Variants in GNAQ observed in about 807,000 individuals in gnomAD.
GNAQ encodes G protein subunit alpha q.
A neutral mutation model predicts 43.9 loss-of-function variants in GNAQ; 8 were observed. The ratio of observed to expected loss-of-function variants is 0.18; its 90% CI spans 0.11 to 0.33. GNAQ has a LOEUF of 0.33. Ranked by LOEUF, GNAQ falls within the 10% of genes least tolerant of loss-of-function variation. GNAQ has a pLI of 1.00. For missense variants in GNAQ, 158 were observed against 450.8 expected (o/e 0.35, Z 5.88); for synonymous variants, 155 against 170.7 (o/e 0.91, Z 0.71).
intron 1 of GNAQ, among the ~76,000 whole-genome samples, chr9:77,973,486 C>A (rs74902584): frequency 0.011 from 1,626 of 152,248 alleles, 21 homozygotes; most frequent in African/African-American, 0.036. Flanking sequence ...CACAACCACA[C>A]TGAGATTCAA....
intron 2 of GNAQ, among the ~76,000 whole-genome samples, chr9:77,869,548 A>G (rs927655998): frequency 2.6e-5 from 4 of 152,236 alleles, no homozygotes; most frequent in Non-Finnish European, 1.5e-5. Flanking sequence ...ATATAAATGT[A>G]AAGAGGACAG....
rs1033886410 is a variant in GNAQ, at chr9:77,720,838, G to C, written c.*485C>G. On this transcript the variant is annotated 3_prime_UTR_variant, in exon 7 of 7. Coordinates refer to ENST00000286548, the MANE Select transcript of GNAQ (RefSeq NM_002072.5). ...AATTAAGCTGATGATGGCTTAAATC[G>C]AACGATGTGTCCTGACTGTATCATT... The C allele has an allele frequency of 1.7e-5, 4 of 233,614 alleles. No individual in the cohort carries two copies. Among genetic ancestry groups the C allele is most frequent in the African/African-American group, 8.8e-5 (4 of 45,306 alleles). The allele number at this position is 233,614 out of a possible 1,614,324, so 14.5% of individuals were successfully genotyped here.
intron 2 of GNAQ, among the ~76,000 whole-genome samples, chr9:77,871,242 T>C (rs761082106): frequency 3.3e-5 from 5 of 152,238 alleles, no homozygotes; most frequent in East Asian, 1.9e-4. Context: ...ATGTAGTCTA[T>C]AGGACTATTT....
At chr9:78,028,402 T>C (rs549499967) in intron 1 of GNAQ, among the ~76,000 whole-genome samples, 6 of 152,188 alleles carry the variant, frequency 3.9e-5, no homozygotes, top group Non-Finnish European at 7.4e-5. Flanking sequence ...TTTACTGCCA[T>C]ACTTTCATCT....
intron 6 of GNAQ, among the ~76,000 whole-genome samples, chr9:77,723,744 A>C (rs550563649): frequency 6.6e-6 from 1 of 152,326 alleles, no homozygotes; most frequent in South Asian, 2.1e-4. Flanking sequence ...TAAACTCATA[A>C]AGACAGAAAG....
At chr9:77,920,076 T>C (rs1171455174) in intron 2 of GNAQ, among the ~76,000 whole-genome samples, 1 of 152,092 alleles carries the variant, frequency 6.6e-6, no homozygotes, top group African/African-American at 2.4e-5. Flanking sequence ...GAGGCGCAGA[T>C]TGCAGTGAGC....
intron 2 of GNAQ, among the ~76,000 whole-genome samples, chr9:77,862,776 C>T (rs1587371476): frequency 6.6e-6 from 1 of 152,324 alleles, no homozygotes; most frequent in East Asian, 1.9e-4. Flanking sequence ...ATTTTCTTTT[C>T]TATCACATTG....
intron 1 of GNAQ, among the ~76,000 whole-genome samples, chr9:77,946,094 A>G (rs781645424): frequency 6.6e-5 from 10 of 152,214 alleles, no homozygotes; most frequent in Non-Finnish European, 1.2e-4. Flanking sequence ...ACTGACGCAG[A>G]GGAGAGAGGA....
chr9:77,954,964 G>A (rs2118394524), intron 1 of GNAQ, among the ~76,000 whole-genome samples: 1 of 152,216 alleles, frequency 6.6e-6, no homozygotes, highest in African/African-American at 2.4e-5. Flanking sequence ...CTTGACCACC[G>A]CATGATTTCT....
rs891092748 is a variant in GNAQ at position 77,911,671 on chromosome 9, G to A, written c.321+10490C>T. On this transcript the variant is annotated intron_variant, in intron 2 of 6. Coordinates refer to ENST00000286548, the MANE Select transcript of GNAQ (RefSeq NM_002072.5). ...TACAGATGGTGAAGATAAGAAACTCGAAGGGATTCTGATGCAAAATCCGGT... is the reference window on the plus strand; with the variant it reads ...TACAGATGGTGAAGATAAGAAACTCAAAGGGATTCTGATGCAAAATCCGGT... 4.6e-5 allele frequency among the ~76,000 whole-genome samples: 7 copies of A among 152,236 alleles called. No individual in the cohort carries two copies. In the South Asian group the frequency reaches 6.2e-4, roughly 14 times the overall value.
At chr9:77,835,600 G>A (rs868236468) in intron 2 of GNAQ, among the ~76,000 whole-genome samples, 1 of 152,172 alleles carries the variant, frequency 6.6e-6, no homozygotes, top group Non-Finnish European at 1.5e-5. Flanking sequence ...AGCATGGACT[G>A]TGCACCAGGC....
chr9:77,881,411 C>T (rs1314054527), intron 2 of GNAQ, among the ~76,000 whole-genome samples: 2 of 152,212 alleles, frequency 1.3e-5, no homozygotes, highest in Non-Finnish European at 2.9e-5. Flanking sequence ...CAGGGTCTTG[C>T]TCTGTTGTCC....
chr9:77,818,030 C>CA lies in GNAQ; in HGVS notation c.322-2261dup, dbSNP rs577300973. Among the ~76,000 whole-genome samples the CA allele has an allele frequency of 8.0e-3, 1,206 of 150,438 alleles. 10 individuals are homozygous for CA. The highest frequency in any genetic ancestry group is 0.012 in the Non-Finnish European group (839 of 67,654). On this transcript the variant is annotated intron_variant, in intron 2 of 6. Transcript: ENST00000286548. ...AAAAAAAACAAAAACAAAAACAAAA[C>CA]AAAAAAAAACTGTCTTGTGAGAAAG...
At chr9:77,781,641 G>A (rs539512758) in intron 5 of GNAQ, among the ~76,000 whole-genome samples, 3 of 152,004 alleles carry the variant, frequency 2.0e-5, no homozygotes, top group African/African-American at 7.2e-5. Context: ...ATCTAACAAT[G>A]TATAAAAATA....
At chr9:77,943,126 T>C (rs1829338561) in intron 1 of GNAQ, among the ~76,000 whole-genome samples, 1 of 152,200 alleles carries the variant, frequency 6.6e-6, no homozygotes, top group Non-Finnish European at 1.5e-5. Flanking sequence ...ACAAGGCAGA[T>C]GTTGGGCATT....
rs901314896 is a variant in GNAQ, at chr9:77,810,236, A to G, written c.476+5380T>C. ...TATCTATCTATCTATCTATCTATCT[A>G]TCTATCTATCTATCTATCTATCTAT... On this transcript the variant is annotated intron_variant, in intron 3 of 6. Transcript: ENST00000286548. Among the ~76,000 whole-genome samples, 19 of 151,304 alleles carry G rather than the reference A, an allele frequency of 1.3e-4. No individual in the cohort carries two copies. In the East Asian group the frequency reaches 3.5e-3, roughly 28 times the overall value.
intron 1 of GNAQ, among the ~76,000 whole-genome samples, chr9:77,925,074 T>C (rs1299548998): frequency 6.6e-6 from 1 of 152,082 alleles, no homozygotes; most frequent in African/African-American, 2.4e-5. Context: ...ATACTGCTGC[T>C]CTCTCTGGGT....
chr9:78,006,839 T>A (rs576831578), intron 1 of GNAQ, among the ~76,000 whole-genome samples: 1 of 152,286 alleles, frequency 6.6e-6, no homozygotes, highest in East Asian at 1.9e-4. Context: ...GGGTAAAAGA[T>A]CACATGAGGT....
intron 3 of GNAQ, among the ~76,000 whole-genome samples, chr9:77,808,246 GTTAAGC>G (rs1223217185): frequency 6.6e-6 from 1 of 151,880 alleles, no homozygotes; most frequent in Non-Finnish European, 1.5e-5. Context: ...TTAGAGTAGA[GTTAAGC>G]ATACCTAAGC....
Sources: gnomAD v4.1 joint callset for allele counts (sites outside exome capture counted in the v4.1 genomes callset) on GRCh38, gnomAD v4.1.1 for gene constraint, MANE v1.5 for transcripts, NCBI Gene and HGNC (gene_info 2026-07-23, HGNC 2026-07-21) for gene names.